PLCB4: variants seen among roughly 807,000 people sequenced by gnomAD.
PLCB4 encodes the protein 1-phosphatidylinositol 4,5-bisphosphate phosphodiesterase beta-4.
Under a neutral mutation model 178.8 loss-of-function variants are expected in PLCB4, and 77 were observed. The observed-to-expected ratio is 0.43, with a 90% CI of 0.36 to 0.52. The LOEUF (loss-of-function observed/expected upper bound fraction) is 0.52. Ranked by LOEUF, PLCB4 falls within the 20% of genes least tolerant of loss-of-function variation. PLCB4 has a pLI of 0.00. For synonymous variants in PLCB4, 496 were observed against 490.8 expected (o/e 1.01, Z -0.14); for missense variants, 1,024 against 1,453.4 (o/e 0.70, Z 4.80).
Position 9,396,741 on chromosome 20 carries a change from T to G in PLCB4, c.1510+1123T>G, listed in dbSNP as rs200882917. On this transcript the variant is annotated intron_variant, in intron 19 of 39. Coordinates refer to ENST00000378473, the MANE Select transcript of PLCB4 (RefSeq NM_001377142.1). ...TGCAAAAAAATTATTCACAAGAATT[T>G]TTGTTTCCCAATGCATACAGAAATT... Among the ~76,000 whole-genome samples, 17 of 152,358 alleles carry G rather than the reference T, an allele frequency of 1.1e-4. No individual in the cohort carries two copies. In the East Asian group the frequency reaches 2.9e-3, roughly 26 times the overall value.
At chr20:9,215,631 C>T (rs1219199242) in intron 2 of PLCB4, among the ~76,000 whole-genome samples, 1 of 151,880 alleles carries the variant, frequency 6.6e-6, no homozygotes, top group African/African-American at 2.4e-5. Context: ...GGCTTTTTTT[C>T]CATTTTAATT....
chr20:9,142,848 A>G (rs2092521502), intron 2 of PLCB4, among the ~76,000 whole-genome samples: 1 of 152,160 alleles, frequency 6.6e-6, no homozygotes, highest in Non-Finnish European at 1.5e-5. Context: ...TTCCCACCTC[A>G]TTCAGAGAGT....
At chr20:9,111,505 G>A (rs746896023) in intron 2 of PLCB4, among the ~76,000 whole-genome samples, 10 of 152,118 alleles carry the variant, frequency 6.6e-5, no homozygotes, top group Non-Finnish European at 1.3e-4. Flanking sequence ...CAGTCTGTGG[G>A]GATACTCTTG....
At chr20:9,361,640 A>G (rs2035341417) in intron 7 of PLCB4, among the ~76,000 whole-genome samples, 1 of 149,250 alleles carries the variant, frequency 6.7e-6, no homozygotes, top group African/African-American at 2.6e-5. Context: ...GATAAATGTT[A>G]TGTTATGTCC....
intron 3 of PLCB4, among the ~76,000 whole-genome samples, chr20:9,301,352 G>T (rs2094700976): frequency 6.6e-6 from 1 of 151,774 alleles, no homozygotes; most frequent in African/African-American, 2.4e-5. Flanking sequence ...CTCTCTACCA[G>T]AACGTGAGGC....
chr20:9,370,382 C>G (rs1478074024), intron 9 of PLCB4, among the ~76,000 whole-genome samples: 1 of 152,048 alleles, frequency 6.6e-6, no homozygotes, highest in Non-Finnish European at 1.5e-5. Flanking sequence ...AGCTTGAAAA[C>G]AAGAACAAAA....
At chr20:9,364,332 G>T (rs546642235) in intron 8 of PLCB4, among the ~76,000 whole-genome samples, 6 of 152,192 alleles carry the variant, frequency 3.9e-5, no homozygotes, top group Non-Finnish European at 7.3e-5. Flanking sequence ...ACAACATCCT[G>T]CCCAGATCCC....
chr20:9,459,595 A>G (rs572164216), intron 34 of PLCB4, 40 bp from the exon 35 acceptor site: 9 of 1,513,742 alleles, frequency 5.9e-6, no homozygotes, highest in South Asian at 3.5e-5. Context: ...TACCTGACCT[A>G]TGAGGATTAC....
At chr20:9,408,868 A>G (rs933400447) in intron 23 of PLCB4, 151 bp downstream of exon 23, 9 of 708,546 alleles carry the variant, frequency 1.3e-5, no homozygotes, top group Non-Finnish European at 2.2e-5. Context: ...CAATCTGCCC[A>G]AATGAAAATT....
At chr20:9,448,778 G>T (rs2042570933) in intron 32 of PLCB4, among the ~76,000 whole-genome samples, 1 of 152,112 alleles carries the variant, frequency 6.6e-6, no homozygotes, top group Non-Finnish European at 1.5e-5. Context: ...GAGAAGCAGA[G>T]AATCTATGAA....
At chr20:9,345,953 T>C (rs2148124331) in intron 7 of PLCB4, among the ~76,000 whole-genome samples, 1 of 151,176 alleles carries the variant, frequency 6.6e-6, no homozygotes, top group East Asian at 1.9e-4. Context: ...AATTTATTCT[T>C]TGTTTCACTA....
At chr20:9,103,453 G>A (rs2091254848) in intron 2 of PLCB4, among the ~76,000 whole-genome samples, 1 of 152,022 alleles carries the variant, frequency 6.6e-6, no homozygotes, top group Non-Finnish European at 1.5e-5. Flanking sequence ...TAATATTTTT[G>A]CAAATCTCTT....
At chr20:9,307,517 A>G (rs2147870473) in intron 3 of PLCB4, among the ~76,000 whole-genome samples, 1 of 150,276 alleles carries the variant, frequency 6.7e-6, no homozygotes, top group East Asian at 1.9e-4. Flanking sequence ...ACACACACAC[A>G]CACACACACA....
At chr20:9,181,918 G>A (rs1250945286) in intron 2 of PLCB4, among the ~76,000 whole-genome samples, 1 of 152,114 alleles carries the variant, frequency 6.6e-6, no homozygotes, top group Non-Finnish European at 1.5e-5. Flanking sequence ...AATAATAGGG[G>A]TTCTAGGAAA....
chr20:9,105,441 A>G (rs1471412171), intron 2 of PLCB4, among the ~76,000 whole-genome samples: 2 of 152,122 alleles, frequency 1.3e-5, no homozygotes, highest in Admixed American at 1.3e-4. Flanking sequence ...CACTCAGTAC[A>G]ATTTCTATCA....
chr20:9,152,634 G>A (rs1386387780), intron 2 of PLCB4, among the ~76,000 whole-genome samples: 3 of 152,318 alleles, frequency 2.0e-5, no homozygotes, highest in South Asian at 4.1e-4. Context: ...TTTGCTGCAG[G>A]GGCGGGGAAC....
chr20:9,233,204 A>G (rs541946084), intron 3 of PLCB4, among the ~76,000 whole-genome samples: 1 of 152,134 alleles, frequency 6.6e-6, no homozygotes. Flanking sequence ...TTAATGTTAA[A>G]TGATAATGAT....
At chr20:9,251,778 A>C (rs2147487229) in intron 3 of PLCB4, among the ~76,000 whole-genome samples, 1 of 152,328 alleles carries the variant, frequency 6.6e-6, no homozygotes, top group South Asian at 2.1e-4. Context: ...ATGTTGTTTA[A>C]AAAATACATA....
chr20:9,170,693 G>T (rs1306059060), intron 2 of PLCB4, among the ~76,000 whole-genome samples: 2 of 152,174 alleles, frequency 1.3e-5, no homozygotes, highest in Non-Finnish European at 2.9e-5. Context: ...TTCCATGTTT[G>T]TGGGCAGTAG....
Sources: allele counts gnomAD v4.1 joint callset (sites outside exome capture counted in the v4.1 genomes callset), GRCh38; gene constraint gnomAD v4.1.1; transcripts MANE v1.5; gene names NCBI Gene and HGNC (gene_info 2026-07-23, HGNC 2026-07-21).